Variants in DST observed in about 807,000 individuals in gnomAD.
DST encodes dystonin, also known as bullous pemphigoid antigen.
DST carries 253 observed loss-of-function variants against 875.2 expected under a neutral mutation model. The ratio of observed to expected loss-of-function variants is 0.29; its 90% CI spans 0.26 to 0.32. DST has a LOEUF of 0.32. DST is among the 10% of genes least tolerant of loss of function. The pLI is 1.00. For synonymous variants in DST, 3,124 were observed against 3,197.1 expected (o/e 0.98, Z 0.77); for missense variants, 8,287 against 9,111.6 (o/e 0.91, Z 3.68).
chr6:56,885,231 C>A (rs1784174484), intron 3 of DST, among the ~76,000 whole-genome samples: 1 of 152,188 alleles, frequency 6.6e-6, no homozygotes, highest in African/African-American at 2.4e-5. Context: ...ACACCCCCAG[C>A]CCTAGCAGCC....
At chr6:56,851,882 C>G in intron 3 of DST, 11 of 1,550,100 alleles carry the variant, frequency 7.1e-6, no homozygotes, top group Non-Finnish European at 9.6e-6. Context: ...GGCCTGTGGT[C>G]CGGCCACCAG....
chr6:56,826,922 T>G (rs757343730), intron 4 of DST, among the ~76,000 whole-genome samples: 1 of 152,230 alleles, frequency 6.6e-6, no homozygotes, highest in African/African-American at 2.4e-5. Flanking sequence ...ACGAGAGCAC[T>G]GTTTCCCCAT....
chr6:56,607,522 TA>T lies in DST; in HGVS notation c.7105del (p.Tyr2369MetfsTer29). The T allele has an allele frequency of 6.2e-7, 1 of 1,602,254 alleles. No homozygotes were observed. Among genetic ancestry groups the T allele is most frequent in the Non-Finnish European group, 8.5e-7 (1 of 1,173,330 alleles). ...RSDSENILTN[Y>X]ENQSRVETNE... ...TGTTTCCACTCGGCTTTGATTTTCATAGTTTGTAAGTATGTTTTCAGAGTCA... is the reference window on the plus strand; with the variant it reads ...TGTTTCCACTCGGCTTTGATTTTCATGTTTGTAAGTATGTTTTCAGAGTCA... On this transcript the variant is annotated frameshift_variant, in exon 40 of 104. Coordinates refer to ENST00000680361, the MANE Select transcript of DST (RefSeq NM_001374736.1). LOFTEE classifies it high-confidence loss of function.
At chr6:56,849,114 G>C (rs1223566088) in intron 4 of DST, among the ~76,000 whole-genome samples, 2 of 147,904 alleles carry the variant, frequency 1.4e-5, no homozygotes, top group Non-Finnish European at 3.0e-5. Context: ...ATTTTTTTCT[G>C]CTTTTGAAGA....
At chr6:56,901,446 T>C (rs1794026600) in intron 2 of DST, among the ~76,000 whole-genome samples, 1 of 152,070 alleles carries the variant, frequency 6.6e-6, no homozygotes, top group African/African-American at 2.4e-5. Context: ...AAATCAAAAA[T>C]TAGCTGGTCA....
In DST at chr6:56,501,122, T is replaced by C; in HGVS notation, c.19854A>G (p.Gly6618=). ...EGLLSEQKPV[G]GDPKAIEIEL... The stretch of plus-strand genomic sequence containing the variant: ...CAATTTCAATGGCTTTAGGGTCTCC[T>C]CCAACAGGTTTCTGCTCACTTAGCA... Residue 6618 remains glycine (G), a synonymous_variant, in exon 80 of 104, where the codon GGA becomes GGG. Transcript: ENST00000680361. 6.2e-7 allele frequency: 1 copy of C among 1,612,886 alleles called. No individual in the cohort carries two copies. Among genetic ancestry groups the C allele is most frequent in the Non-Finnish European group, 8.5e-7 (1 of 1,179,270 alleles).
chr6:56,836,677 C>T (rs1285587830), intron 4 of DST, among the ~76,000 whole-genome samples: 1 of 151,106 alleles, frequency 6.6e-6, no homozygotes, highest in Non-Finnish European at 1.5e-5. Context: ...GGTGAAACCC[C>T]GTCTCTACTA....
At chr6:56,934,722 C>T (rs889922948) in intron 2 of DST, among the ~76,000 whole-genome samples, 11 of 149,914 alleles carry the variant, frequency 7.3e-5, no homozygotes, top group African/African-American at 2.7e-4. Context: ...GATTGGCTGC[C>T]CTCTGACATT....
At chr6:56,540,581 A>G (rs2097108808) in intron 61 of DST, 1 of 152,620 alleles carries the variant, frequency 6.6e-6, no homozygotes. Context: ...ATCCTTCAAG[A>G]GTTCCCTACT....
At chr6:56,693,335 T>C in intron 9 of DST, 1 of 1,165,278 alleles carries the variant, frequency 8.6e-7, no homozygotes, top group Non-Finnish European at 1.1e-6. Context: ...TGCCGTGGCA[T>C]CCTGCCCAGC....
chr6:56,839,788 A>G (rs1183115272), intron 4 of DST, among the ~76,000 whole-genome samples: 3 of 152,252 alleles, frequency 2.0e-5, no homozygotes, highest in Non-Finnish European at 4.4e-5. Flanking sequence ...CAGATTTTAT[A>G]GCCCTAATGA....
intron 4 of DST, among the ~76,000 whole-genome samples, chr6:56,824,056 C>T (rs932069053): frequency 6.6e-6 from 1 of 152,092 alleles, no homozygotes; most frequent in Non-Finnish European, 1.5e-5. Flanking sequence ...CCTCTGATGC[C>T]GAGTCGAAGC....
chr6:56,574,141 G>T (rs2097825667), intron 50 of DST, among the ~76,000 whole-genome samples: 1 of 144,902 alleles, frequency 6.9e-6, no homozygotes, highest in African/African-American at 2.4e-5. Flanking sequence ...CATTTGAAAA[G>T]AGATTTTTTT....
At chr6:56,463,392 C>G (rs1039889322) in intron 101 of DST, among the ~76,000 whole-genome samples, 173 bp downstream of exon 101, 1 of 152,168 alleles carries the variant, frequency 6.6e-6, no homozygotes, top group Admixed American at 6.5e-5. Context: ...ATGTGGGCCA[C>G]TAGGCAAAAG....
At chr6:56,760,723 G>A (rs1487431811) in intron 4 of DST, among the ~76,000 whole-genome samples, 3 of 152,184 alleles carry the variant, frequency 2.0e-5, no homozygotes, top group African/African-American at 7.2e-5. Context: ...GTAATAAAAG[G>A]TAGCATTTGC....
At chr6:56,774,713 C>G (rs1024931057) in intron 4 of DST, among the ~76,000 whole-genome samples, 2 of 152,152 alleles carry the variant, frequency 1.3e-5, no homozygotes, top group African/African-American at 4.8e-5. Flanking sequence ...AAATACAAGG[C>G]CGGGCATGAT....
intron 27 of DST, among the ~76,000 whole-genome samples, 196 bp from the exon 28 acceptor site, chr6:56,633,233 CT>C (rs61647189): frequency 3.3e-4 from 46 of 138,574 alleles, no homozygotes; most frequent in Admixed American, 5.5e-4. Flanking sequence ...GAGTTTCACT[CT>C]TTTTTTTTTT....
At chr6:56,631,756 C>T in intron 29 of DST, 127 bp downstream of exon 29, 1 of 838,504 alleles carries the variant, frequency 1.2e-6, no homozygotes, top group Non-Finnish European at 2.0e-6. Flanking sequence ...ATTACACAAT[C>T]AGACCTCACC....
At chr6:56,502,668 C>A (rs1449543856) in intron 78 of DST, among the ~76,000 whole-genome samples, 1 of 152,038 alleles carries the variant, frequency 6.6e-6, no homozygotes, top group Non-Finnish European at 1.5e-5. Flanking sequence ...AATAAATTAT[C>A]CACACCCATA....
Sources: allele counts gnomAD v4.1 joint callset (sites outside exome capture counted in the v4.1 genomes callset), GRCh38; gene constraint gnomAD v4.1.1; transcripts MANE v1.5; gene names NCBI Gene and HGNC (gene_info 2026-07-23, HGNC 2026-07-21).